The following DNMBP variants were observed in gnomAD, a reference collection of about 807,000 sequenced individuals.
DNMBP encodes the protein dynamin-binding protein.
In DNMBP, 87 loss-of-function variants were observed where a neutral mutation model predicts 150.0. That is an observed-to-expected ratio of 0.58 (90% CI 0.49 to 0.69). The LOEUF is 0.69. DNMBP is among the 30% of genes least tolerant of loss of function. The pLI, the probability that DNMBP is intolerant of heterozygous loss-of-function variation, is 0.00. For missense variants in DNMBP, 1,774 were observed against 1,949.0 expected, an observed-to-expected ratio of 0.91 and a Z score of 1.69; for synonymous variants, 711 against 750.4, an observed-to-expected ratio of 0.95 and a Z score of 0.86.
At chr10:99,981,272 C>G (rs1460974984) in intron 1 of DNMBP, among the ~76,000 whole-genome samples, 1 of 152,194 alleles carries the variant, frequency 6.6e-6, no homozygotes, top group African/African-American at 2.4e-5. Context: ...ACCTTCACCT[C>G]CTGGGCTCAA....
intron 11 of DNMBP, among the ~76,000 whole-genome samples, chr10:99,890,158 T>C (rs1271240566): frequency 6.6e-6 from 1 of 152,216 alleles, no homozygotes; most frequent in Non-Finnish European, 1.5e-5. Flanking sequence ...TGTTGCTAAT[T>C]CCTCTTGAGT....
At chr10:99,892,074 C>T (rs2039578243) in intron 11 of DNMBP, among the ~76,000 whole-genome samples, 1 of 139,244 alleles carries the variant, frequency 7.2e-6, no homozygotes, top group Non-Finnish European at 1.5e-5. Flanking sequence ...CGGCCAGCCA[C>T]CCCATCTGGG....
intron 4 of DNMBP, among the ~76,000 whole-genome samples, chr10:99,946,440 A>ACT (rs2040358181): frequency 2.6e-5 from 4 of 152,248 alleles, no homozygotes; most frequent in Admixed American, 2.6e-4. Context: ...ACAGAACAGA[A>ACT]AATCCAGAAA....
At position 99,880,016 on chromosome 10, in the gene DNMBP, TC is replaced by T; in HGVS notation, c.4342del (p.Asp1448ThrfsTer5). The T allele has an allele frequency of 6.2e-7, 1 of 1,614,086 alleles. No homozygotes were observed. Among genetic ancestry groups the T allele is most frequent in the Non-Finnish European group, 8.5e-7 (1 of 1,180,024 alleles). On this transcript the variant is annotated frameshift_variant, in exon 16 of 17. Transcript: ENST00000324109. LOFTEE classifies it high-confidence loss of function. ...TACATCTCTAGCTACATCTGCAGAG[TC>T]CCCTGACCTTGGCTGGGAGGTGGAG... ...PDSTSQPRSGDSADVARDVKQ... is the reference protein window; with the variant it reads ...PDSTSQPRSGXSADVARDVKQ...
At chr10:99,891,925 C>A in intron 11 of DNMBP, among the ~76,000 whole-genome samples, 1 of 144,348 alleles carries the variant, frequency 6.9e-6, no homozygotes, top group African/African-American at 2.7e-5. Context: ...GTGGGGGGGT[C>A]AGCCCCCTGC....
Position 99,923,673 on chromosome 10 carries a change from T to G in DNMBP, c.2261-14527A>C, listed in dbSNP as rs145802533. 4.3e-4 allele frequency among the ~76,000 whole-genome samples: 66 copies of G among 152,290 alleles called. 1 individual carries two copies. The East Asian group carries it at 0.011, about 25-fold the overall frequency. ...GTCTAAGATTTCAGTACTCTAGTTC[T>G]TTCCTCCACTGTGTTCCTCACCACC... On this transcript the variant is annotated intron_variant, in intron 4 of 16. Coordinates refer to ENST00000324109, the MANE Select transcript of DNMBP (RefSeq NM_015221.4).
chr10:99,896,357 C>G lies in DNMBP; in HGVS notation c.2961G>C (p.Glu987Asp). The change falls in exon 10 of 17, where the codon GAG becomes GAC. Residue 987 changes from glutamate to aspartate, a missense_variant. Transcript: ENST00000324109. The stretch of plus-strand genomic sequence containing the variant: ...AGTGGATGTTCAGTTTGGAAATTTT[C>G]TCCATAAGGCTATCTTCATCACCCT... ...YRKGDEDSLMEKISKLNIHSI... is the reference protein window; with the variant it reads ...YRKGDEDSLMDKISKLNIHSI... The G allele has an allele frequency of 6.2e-7, 1 of 1,614,144 alleles. No homozygotes were observed. The highest frequency in any genetic ancestry group is 1.7e-5 in the Admixed American group (1 of 60,008).
intron 4 of DNMBP, among the ~76,000 whole-genome samples, chr10:99,917,186 G>A (rs543242505): frequency 1.8e-4 from 27 of 152,124 alleles, no homozygotes; most frequent in African/African-American, 4.8e-4. Flanking sequence ...GCGAAAACCC[G>A]TCTCCACTAA....
intron 4 of DNMBP, among the ~76,000 whole-genome samples, chr10:99,934,182 C>CT (rs2040197498): frequency 6.6e-6 from 1 of 152,150 alleles, no homozygotes; most frequent in African/African-American, 2.4e-5. Flanking sequence ...GCACCTCTCT[C>CT]TAAGTCTAAA....
At chr10:99,969,549 AATTC>A (rs1309500630) in intron 2 of DNMBP, among the ~76,000 whole-genome samples, 1 of 152,248 alleles carries the variant, frequency 6.6e-6, no homozygotes, top group Non-Finnish European at 1.5e-5. Context: ...CAAAAAGTCG[AATTC>A]AGACATAAAT....
chr10:99,997,969 T>C (rs1297816354), intron 1 of DNMBP, among the ~76,000 whole-genome samples: 3 of 126,180 alleles, frequency 2.4e-5, no homozygotes, highest in South Asian at 2.8e-4. Context: ...ACGCGGTGGC[T>C]CACACCTGTA....
intron 1 of DNMBP, among the ~76,000 whole-genome samples, chr10:99,976,505 C>T (rs547227624): frequency 6.6e-6 from 1 of 152,280 alleles, no homozygotes; most frequent in South Asian, 2.1e-4. Context: ...CTTTTCCACG[C>T]CCTTGCTATA....
At position 100,005,686 on chromosome 10, in the gene DNMBP, G is replaced by A. The variant is rs560099112; in HGVS notation, c.-11+4152C>T. Among the ~76,000 whole-genome samples the A allele has an allele frequency of 3.2e-3, 483 of 148,932 alleles. 2 individuals carry two copies. Among genetic ancestry groups the A allele is most frequent in the African/African-American group, 0.012 (470 of 40,160 alleles). ...AGGAAATGGCTTGAACCCGGGAGGCGGAGGCTGCAGTGAGCCGAGATCTCG... is the reference window on the plus strand; with the variant it reads ...AGGAAATGGCTTGAACCCGGGAGGCAGAGGCTGCAGTGAGCCGAGATCTCG... On this transcript the variant is annotated intron_variant, in intron 1 of 16. Coordinates refer to ENST00000324109, the MANE Select transcript of DNMBP (RefSeq NM_015221.4).
chr10:99,988,253 A>G (rs1425717224), intron 1 of DNMBP, among the ~76,000 whole-genome samples: 2 of 152,062 alleles, frequency 1.3e-5, no homozygotes, highest in African/African-American at 2.4e-5. Flanking sequence ...AGAGACTTCA[A>G]TTTTCAATTT....
intron 4 of DNMBP, among the ~76,000 whole-genome samples, chr10:99,928,953 G>A (rs1465345288): frequency 6.6e-6 from 1 of 152,084 alleles, no homozygotes; most frequent in African/African-American, 2.4e-5. Context: ...AGATCAGCCT[G>A]GGCAACATGG....
rs1201666151 is a variant in DNMBP, at chr10:99,898,204, C to T, written c.2802G>A (p.Met934Ile). ...QRVMRYPLLLMELLNSTPESH... is the reference protein window; with the variant it reads ...QRVMRYPLLLIELLNSTPESH... ...ATTCTGGGGTGGAATTCAGCAACTC[C>T]ATTAGCAACAGCGGGTAACGCATTA... Residue 934 changes from methionine (M) to isoleucine (I), a missense_variant, in exon 9 of 17, where the codon ATG becomes ATA. Coordinates refer to ENST00000324109, the MANE Select transcript of DNMBP (RefSeq NM_015221.4). The T allele has an allele frequency of 6.2e-7, 1 of 1,613,876 alleles. No homozygotes were observed. Among genetic ancestry groups the T allele is most frequent in the African/African-American group, 1.3e-5 (1 of 74,858 alleles).
chr10:99,891,336 A>G (rs61872201), intron 11 of DNMBP, among the ~76,000 whole-genome samples: 75,090 of 146,718 alleles, frequency 0.51, 19,868 homozygotes, highest in Middle Eastern at 0.6. Flanking sequence ...GGCACGCGCC[A>G]CCACGCCTGA....
At chr10:99,942,615 T>C (rs1039552288) in intron 4 of DNMBP, among the ~76,000 whole-genome samples, 1 of 152,200 alleles carries the variant, frequency 6.6e-6, no homozygotes, top group African/African-American at 2.4e-5. Context: ...TTCTTCACCC[T>C]GTGCCTCGAG....
At chr10:99,981,316 G>A (rs1222164941) in intron 1 of DNMBP, among the ~76,000 whole-genome samples, 1 of 151,818 alleles carries the variant, frequency 6.6e-6, no homozygotes, top group Non-Finnish European at 1.5e-5. Flanking sequence ...TGAGTAGCTG[G>A]GATTACAGGT....
Sources: allele counts gnomAD v4.1 joint callset (sites outside exome capture counted in the v4.1 genomes callset), GRCh38; gene constraint gnomAD v4.1.1; transcripts MANE v1.5; gene names NCBI Gene and HGNC (gene_info 2026-07-23, HGNC 2026-07-21).